The following GLTP variants were observed in gnomAD, a reference collection of about 807,000 sequenced individuals.
The protein encoded by GLTP is glycolipid transfer protein.
GLTP carries 22 observed loss-of-function variants against 24.0 expected under a neutral mutation model. The ratio of observed to expected loss-of-function variants is 0.92; its 90% confidence interval spans 0.65 to 1.31. The LOEUF (loss-of-function observed/expected upper bound fraction) is 1.31, where lower values mean the gene tolerates loss of function less well. Among genes scored for constraint, GLTP ranks in the 50% most tolerant of loss-of-function variants. The probability of loss-of-function intolerance (pLI) is 0.00; values close to 1 mark genes in which losing one functional copy is unlikely to be tolerated. For synonymous variants in GLTP, 92 were observed against 115.9 expected (o/e 0.79, Z 1.33); for missense variants, 224 against 276.6 (o/e 0.81, Z 1.35).
chr12:109,876,691 AAGAAAAGGAAAGAC>A (rs1868894741), intron 1 of GLTP, among the ~76,000 whole-genome samples: 2 of 151,768 alleles, frequency 1.3e-5, no homozygotes, highest in Non-Finnish European at 2.9e-5. Context: ...AAAAGGAAGA[AAGAAAAGGAAAGAC>A]AGAAAAGGAC....
chr12:109,873,015 AGTTTT>A (rs749215268), intron 1 of GLTP, among the ~76,000 whole-genome samples: 3 of 152,244 alleles, frequency 2.0e-5, no homozygotes, highest in South Asian at 2.1e-4. Flanking sequence ...ATGAGATTTG[AGTTTT>A]GTTTTGTTTT....
At chr12:109,876,710 A>T (rs1868895666) in intron 1 of GLTP, among the ~76,000 whole-genome samples, 1 of 151,968 alleles carries the variant, frequency 6.6e-6, no homozygotes, top group Non-Finnish European at 1.5e-5. Context: ...AAAGACAGAA[A>T]AGGACTGACA....
Position 109,858,743 on chromosome 12 carries a change from T to G in GLTP, c.104-2A>C. On this transcript the variant is annotated splice_acceptor_variant, in intron 1 of 4. Coordinates refer to ENST00000318348, the MANE Select transcript of GLTP (RefSeq NM_016433.4). LOFTEE classifies it high-confidence loss of function. ...TAAACACTGGGGACCCAAGGCAATCTGGGGACAAAATGAGAAGACAGATTG... is the reference window on the plus strand; with the variant it reads ...TAAACACTGGGGACCCAAGGCAATCGGGGGACAAAATGAGAAGACAGATTG... The G allele has an allele frequency of 1.2e-6, 2 of 1,604,978 alleles. No individual in the cohort carries two copies. Among genetic ancestry groups the G allele is most frequent in the Non-Finnish European group, 1.7e-6 (2 of 1,171,718 alleles).
intron 3 of GLTP, among the ~76,000 whole-genome samples, chr12:109,856,107 G>C (rs1892792192): frequency 6.6e-6 from 1 of 152,096 alleles, no homozygotes; most frequent in East Asian, 1.9e-4. Context: ...CAACCATCAG[G>C]CTTGAGGAAT....
intron 1 of GLTP, among the ~76,000 whole-genome samples, chr12:109,870,727 T>A (rs1868694613): frequency 6.6e-6 from 1 of 152,112 alleles, no homozygotes; most frequent in Non-Finnish European, 1.5e-5. Flanking sequence ...CATCATAAAA[T>A]AATGACTTCA....
At chr12:109,878,983 G>C (rs897214008) in intron 1 of GLTP, among the ~76,000 whole-genome samples, 5 of 152,132 alleles carry the variant, frequency 3.3e-5, no homozygotes, top group Non-Finnish European at 7.4e-5. Flanking sequence ...TGGCACTTAC[G>C]GCCTCGGTAC....
intron 1 of GLTP, among the ~76,000 whole-genome samples, chr12:109,862,778 G>A (rs748628518): frequency 6.6e-5 from 10 of 151,580 alleles, no homozygotes; most frequent in Admixed American, 2.6e-4. Context: ...TGGGCCAGGC[G>A]CAGTGGCTCA....
intron 1 of GLTP, among the ~76,000 whole-genome samples, chr12:109,869,916 C>A (rs1836023921): frequency 2.0e-5 from 3 of 151,808 alleles, no homozygotes; most frequent in Admixed American, 6.6e-5. Flanking sequence ...GCCACCATGC[C>A]TGGCTAATTT....
Position 109,851,727 on chromosome 12 carries a change from A to G in GLTP, c.*828T>C, listed in dbSNP as rs1347365983. 6.6e-6 allele frequency: 1 copy of G among 151,810 alleles called. No homozygotes were observed. The highest frequency in any genetic ancestry group is 2.1e-4 in the South Asian group (1 of 4,810). The allele number at this position is 151,810 out of a possible 1,614,324, so 9.4% of individuals were successfully genotyped here. A position where few individuals can be genotyped will look rare whatever the true frequency, so the allele number is the denominator to read the frequency against. ...GCGATTCTCCTGCCTCAGCCTCCCAAGAAGATGGGATTACAGGCGTGCGCT... is the reference window on the plus strand; with the variant it reads ...GCGATTCTCCTGCCTCAGCCTCCCAGGAAGATGGGATTACAGGCGTGCGCT... On this transcript the variant is annotated 3_prime_UTR_variant, in exon 5 of 5. Transcript: ENST00000318348.
At chr12:109,874,526 T>C (rs1049583431) in intron 1 of GLTP, among the ~76,000 whole-genome samples, 2 of 152,076 alleles carry the variant, frequency 1.3e-5, no homozygotes, top group Non-Finnish European at 2.9e-5. Flanking sequence ...TAATGAAGAA[T>C]CATTACCTTC....
chr12:109,879,369 C>T (rs1192792669), intron 1 of GLTP, among the ~76,000 whole-genome samples: 1 of 152,180 alleles, frequency 6.6e-6, no homozygotes, highest in Non-Finnish European at 1.5e-5. Flanking sequence ...GGCAGTGGTG[C>T]TGGCTTCTAG....
At chr12:109,852,783 T>A (rs775112274) in intron 4 of GLTP, 46 bp from the exon 5 acceptor site, 2 of 1,340,696 alleles carry the variant, frequency 1.5e-6, no homozygotes, top group Admixed American at 3.5e-5. Context: ...TAGCGGGGGC[T>A]GAGGAGCCAG....
At chr12:109,877,998 T>C (rs937785123) in intron 1 of GLTP, among the ~76,000 whole-genome samples, 2 of 152,198 alleles carry the variant, frequency 1.3e-5, no homozygotes, top group African/African-American at 4.8e-5. Flanking sequence ...GAGGGCCCTG[T>C]GGTGGTTAAC....
intron 1 of GLTP, among the ~76,000 whole-genome samples, chr12:109,876,931 C>T (rs1041766154): frequency 6.6e-6 from 1 of 152,194 alleles, no homozygotes; most frequent in Non-Finnish European, 1.5e-5. Flanking sequence ...CAGCTCACTG[C>T]AACTTAGGCG....
At chr12:109,859,492 C>T (rs1892843867) in intron 1 of GLTP, among the ~76,000 whole-genome samples, 1 of 151,430 alleles carries the variant, frequency 6.6e-6, no homozygotes, top group East Asian at 1.9e-4. Flanking sequence ...ACACTCCAGC[C>T]TGGGAAACAG....
intron 1 of GLTP, among the ~76,000 whole-genome samples, chr12:109,868,730 A>G (rs1006514187): frequency 1.2e-4 from 18 of 152,168 alleles, no homozygotes; most frequent in Non-Finnish European, 1.6e-4. Context: ...TCATAGCTGG[A>G]TAATAAAGTT....
rs1892812571 is a variant in GLTP at position 109,857,380 on chromosome 12, G to A, written c.296+146C>T. 7 of 854,742 alleles carry A rather than the reference G, an allele frequency of 8.2e-6. 1 individual carries two copies. Among genetic ancestry groups the A allele is most frequent in the Middle Eastern group, 3.6e-4 (1 of 2,806 alleles). The allele number at this position is 854,742 out of a possible 1,614,324, so 52.9% of individuals were successfully genotyped here. Reference sequence around the variant, plus strand: ...GTCAGGCAAGCCCTGGCCATTGGGAGGCCTTTTCCCAGCCATTAACTAGCA... The same window carrying A: ...GTCAGGCAAGCCCTGGCCATTGGGAAGCCTTTTCCCAGCCATTAACTAGCA... On this transcript the variant is annotated intron_variant, in intron 3 of 4. Transcript: ENST00000318348. This position sits in a 1 kb window ranked among gnomAD's most constrained non-coding sequence, Gnocchi z 4.3.
At chr12:109,858,566 C>A in intron 2 of GLTP, 117 bp downstream of exon 2, 1 of 769,478 alleles carries the variant, frequency 1.3e-6, no homozygotes, top group Admixed American at 1.8e-5. Flanking sequence ...TCTTCCATGT[C>A]TCCATTCCCT....
intron 1 of GLTP, chr12:109,860,440 C>CACACAT (rs1401736084): frequency 2.4e-5 from 5 of 205,454 alleles, no homozygotes; most frequent in African/African-American, 1.2e-4. Flanking sequence ...TTTTTAAAGA[C>CACACAT]AGGGTCCTTT....
Sources: gnomAD v4.1 joint callset for allele counts (sites outside exome capture counted in the v4.1 genomes callset) on GRCh38, gnomAD v4.1.1 for gene constraint, Gnocchi (gnomAD v3.1) non-coding constraint, MANE v1.5 for transcripts, NCBI Gene and HGNC (gene_info 2026-07-23, HGNC 2026-07-21) for gene names.